ENOX2: variants seen among roughly 807,000 people sequenced by gnomAD.
The protein encoded by ENOX2 is ecto-NOX disulfide-thiol exchanger 2.
In ENOX2, 36 loss-of-function variants were observed where a neutral mutation model predicts 45.0. The observed-to-expected ratio is 0.80, with a 90% CI of 0.61 to 1.06. ENOX2 has a LOEUF of 1.06. Ranked by LOEUF, ENOX2 falls within the 50% of genes least tolerant of loss-of-function variation. The probability of loss-of-function intolerance (pLI) is 0.00; values close to 1 mark genes in which losing one functional copy is unlikely to be tolerated. For missense variants in ENOX2, 423 were observed against 462.5 expected (o/e 0.91, Z 0.78); for synonymous variants, 174 against 152.3 (o/e 1.14, Z -1.05).
chrX:130,682,024 C>CA (rs2037318059), intron 5 of ENOX2, among the ~76,000 whole-genome samples: 1 of 107,714 alleles, frequency 9.3e-6, no homozygotes, highest in South Asian at 4.3e-4. Flanking sequence ...AACCCCCCCC[C>CA]CCACCGACTA....
At chrX:130,888,985 T>G (rs1299580088) in intron 2 of ENOX2, among the ~76,000 whole-genome samples, 1 of 111,355 alleles carries the variant, frequency 9.0e-6, no homozygotes, top group Non-Finnish European at 1.9e-5. Context: ...TACATCCTCA[T>G]TGCCCAGTGT....
chrX:130,716,502 A>G (rs955574952), intron 3 of ENOX2, among the ~76,000 whole-genome samples: 1 of 111,957 alleles, frequency 8.9e-6, no homozygotes, highest in Non-Finnish European at 1.9e-5. Context: ...TTAGTGTTGT[A>G]GCTCAATTAT....
chrX:130,878,875 ATATT>A (rs958372483), intron 2 of ENOX2, among the ~76,000 whole-genome samples: 2 of 112,593 alleles, frequency 1.8e-5, no homozygotes, highest in Admixed American at 9.4e-5. Flanking sequence ...TTGATGTTTT[ATATT>A]TATTTGTTTG....
chrX:130,711,319 G>A (rs1477087531), intron 3 of ENOX2, among the ~76,000 whole-genome samples: 2 of 111,772 alleles, frequency 1.8e-5, no homozygotes, highest in Non-Finnish European at 3.8e-5. Flanking sequence ...ACAATGCACT[G>A]AAGCCTGAGG....
At chrX:130,774,219 T>C (rs1203448710) in intron 3 of ENOX2, among the ~76,000 whole-genome samples, 1 of 112,208 alleles carries the variant, frequency 8.9e-6, no homozygotes, top group Non-Finnish European at 1.9e-5. Context: ...ACATGTATAA[T>C]AGTCCTTTGA....
intron 10 of ENOX2, among the ~76,000 whole-genome samples, chrX:130,652,670 C>T (rs1035684725): frequency 8.9e-6 from 1 of 112,018 alleles, no homozygotes; most frequent in Admixed American, 9.5e-5. Context: ...AGGTTCTTTA[C>T]GAGGTAGTCA....
intron 3 of ENOX2, among the ~76,000 whole-genome samples, chrX:130,738,326 G>A (rs111355810): frequency 9.8e-5 from 11 of 112,135 alleles, no homozygotes; most frequent in East Asian, 2.8e-4. Context: ...ATTAGGCAGC[G>A]TTTCCATTTT....
chrX:130,687,736 C>A (rs1052534877), intron 5 of ENOX2, among the ~76,000 whole-genome samples: 1 of 111,770 alleles, frequency 8.9e-6, no homozygotes. Context: ...TTGACAACCA[C>A]GTTCAAAAAC....
At position 130,848,323 on chromosome X, in the gene ENOX2, A is replaced by G. The variant is rs752917034; in HGVS notation, c.-183+53361T>C. ...CTCAAGAAAAAGTCATCTATGAGGG[A>G]AAAAAAAAGCAGAGAGTAAAAGAAA... On this transcript the variant is annotated intron_variant, in intron 2 of 14. Transcript: ENST00000394363. Among the ~76,000 whole-genome samples the G allele has an allele frequency of 2.3e-4, 25 of 110,243 alleles. No individual in the cohort carries two copies. In the South Asian group the frequency reaches 3.4e-3, roughly 15 times the overall value.
intron 4 of ENOX2, among the ~76,000 whole-genome samples, chrX:130,701,136 G>A (rs1244060318): frequency 2.7e-5 from 3 of 111,346 alleles, no homozygotes; most frequent in Non-Finnish European, 3.8e-5. Context: ...GCTTATATAC[G>A]ATAACTTACA....
chrX:130,900,734 C>G (rs2079132138), intron 2 of ENOX2, among the ~76,000 whole-genome samples: 1 of 112,087 alleles, frequency 8.9e-6, no homozygotes, highest in Non-Finnish European at 1.9e-5. Context: ...AGCCTTCTCC[C>G]CGAGTCTCCC....
chrX:130,627,823 C>T (rs2035588349), intron 14 of ENOX2, 135 bp downstream of exon 14: 1 of 510,281 alleles, frequency 2.0e-6, no homozygotes, highest in Non-Finnish European at 3.6e-6. Flanking sequence ...TGCACTGAAT[C>T]ACAGTGAGAG....
chrX:130,707,537 CACACAG>C (rs1379029489), intron 3 of ENOX2, among the ~76,000 whole-genome samples: 1 of 110,301 alleles, frequency 9.1e-6, no homozygotes, highest in Non-Finnish European at 1.9e-5. Flanking sequence ...CACACACACA[CACACAG>C]ACACACACAC....
At chrX:130,630,550 C>A (rs776169957) in intron 13 of ENOX2, among the ~76,000 whole-genome samples, 1 of 111,241 alleles carries the variant, frequency 9.0e-6, no homozygotes, top group African/African-American at 3.3e-5. Context: ...CATCAAGATG[C>A]GCACCCAAAA....
At chrX:130,756,160 T>C (rs2039349782) in intron 3 of ENOX2, among the ~76,000 whole-genome samples, 1 of 112,019 alleles carries the variant, frequency 8.9e-6, no homozygotes, top group African/African-American at 3.3e-5. Flanking sequence ...AAAGCATAAA[T>C]TCAGGAATGA....
intron 3 of ENOX2, among the ~76,000 whole-genome samples, chrX:130,732,698 T>TCACACACACACACA (rs201498808): frequency 4.0e-5 from 4 of 99,939 alleles, no homozygotes. Flanking sequence ...ATAAATCCAT[T>TCACACACACACACA]CACACACACA....
At chrX:130,759,315 C>A (rs145553789) in intron 3 of ENOX2, among the ~76,000 whole-genome samples, 1 of 111,104 alleles carries the variant, frequency 9.0e-6, no homozygotes, top group African/African-American at 3.3e-5. Context: ...ATGCCCTCCA[C>A]TGAATTGTTT....
intron 2 of ENOX2, among the ~76,000 whole-genome samples, chrX:130,806,252 T>C (rs979080974): frequency 1.8e-5 from 2 of 112,130 alleles, no homozygotes; most frequent in Admixed American, 9.5e-5. Flanking sequence ...CCTTTTACTG[T>C]TACAGAACAT....
Position 130,667,664 on chromosome X carries a change from T to C in ENOX2, c.773A>G (p.Asn258Ser), listed in dbSNP as rs1169312019. The change falls in exon 8 of 15, where the codon AAT becomes AGT. Residue 258 changes from asparagine (N) to serine (S), a missense_variant. This residue lies in a region of ENOX2 where 261 missense variants were observed against 306.8 expected (regional missense o/e 0.85). Transcript: ENST00000394363. ...CGACTGGATCATGGAGTAGAAGTTA[T>C]TGGCGCTACGACGGTTGACCTCTCC... ...ERGEVNRRSANNFYSMIQSAN... is the reference protein window; with the variant it reads ...ERGEVNRRSASNFYSMIQSAN... The C allele has an allele frequency of 8.3e-7, 1 of 1,211,284 alleles. No homozygotes were observed. The highest frequency in any genetic ancestry group is 1.7e-5 in the African/African-American group (1 of 57,806).
Sources: allele counts gnomAD v4.1 joint callset (sites outside exome capture counted in the v4.1 genomes callset), GRCh38; gene constraint gnomAD v4.1.1; regional missense constraint gnomAD v4.1.1; transcripts MANE v1.5; gene names NCBI Gene and HGNC (gene_info 2026-07-23, HGNC 2026-07-21).